Variants in VAV3 observed in about 807,000 individuals in gnomAD.
VAV3 encodes guanine nucleotide exchange factor VAV3.
A neutral mutation model predicts 131.2 loss-of-function variants in VAV3; 94 were observed. That is an observed-to-expected ratio of 0.72 (90% CI 0.61 to 0.85). The LOEUF (loss-of-function observed/expected upper bound fraction) is 0.85. VAV3 is among the 40% of genes least tolerant of loss of function. VAV3 has a pLI of 0.00. For synonymous variants in VAV3, 349 were observed against 342.0 expected, an observed-to-expected ratio of 1.02 and a Z score of -0.22; for missense variants, 939 against 1,002.7, an observed-to-expected ratio of 0.94 and a Z score of 0.86.
chr1:107,865,244 G>A (rs903313565), intron 2 of VAV3, among the ~76,000 whole-genome samples: 2 of 152,196 alleles, frequency 1.3e-5, no homozygotes, highest in Non-Finnish European at 2.9e-5. Flanking sequence ...TTTCTGTGGG[G>A]CAGAGAAGCA....
intron 19 of VAV3, 79 bp from the exon 20 acceptor site, chr1:107,642,834 A>G (rs986424650): frequency 6.3e-7 from 1 of 1,577,456 alleles, no homozygotes; most frequent in Admixed American, 1.8e-5. Flanking sequence ...AAAAAATGTC[A>G]TTATTAACAT....
At chr1:107,821,073 C>T (rs1461529680) in intron 2 of VAV3, among the ~76,000 whole-genome samples, 1 of 152,172 alleles carries the variant, frequency 6.6e-6, no homozygotes, top group African/African-American at 2.4e-5. Flanking sequence ...AAGCTCCTCA[C>T]TTTAGATTTA....
At chr1:107,919,847 A>G (rs1435824806) in intron 1 of VAV3, among the ~76,000 whole-genome samples, 3 of 152,148 alleles carry the variant, frequency 2.0e-5, no homozygotes, top group Non-Finnish European at 4.4e-5. Flanking sequence ...AAAGAAAAGA[A>G]TCAATGTCCC....
At chr1:107,772,684 C>G in intron 5 of VAV3, 51 bp downstream of exon 5, 1 of 1,472,226 alleles carries the variant, frequency 6.8e-7, no homozygotes, top group South Asian at 1.2e-5. Context: ...GTTAATTAGC[C>G]TTTCCTAATA....
At chr1:107,904,978 T>C (rs1255451428) in intron 1 of VAV3, among the ~76,000 whole-genome samples, 1 of 152,156 alleles carries the variant, frequency 6.6e-6, no homozygotes, top group African/African-American at 2.4e-5. Context: ...ATAGGAAATA[T>C]CTGAGGGATA....
chr1:107,603,180 C>T lies in VAV3; in HGVS notation c.2016-17G>A, dbSNP rs781780241. ...CCAGCATACCTGTAAAAAACAATGA[C>T]ACAGAAAATTTGGATAATATACCTG... On this transcript the variant is annotated splice_polypyrimidine_tract_variant and intron_variant, in intron 22 of 26. Coordinates refer to ENST00000370056, the MANE Select transcript of VAV3 (RefSeq NM_006113.5). 2.5e-6 allele frequency: 4 copies of T among 1,601,338 alleles called. No homozygotes were observed. The highest frequency in any genetic ancestry group is 3.4e-6 in the Non-Finnish European group (4 of 1,170,044).
At chr1:107,859,593 G>A (rs1275981672) in intron 2 of VAV3, among the ~76,000 whole-genome samples, 1 of 152,102 alleles carries the variant, frequency 6.6e-6, no homozygotes, top group Non-Finnish European at 1.5e-5. Flanking sequence ...CACACTGAAT[G>A]CAAGCCAAGG....
chr1:107,771,593 C>T (rs1665051647), intron 5 of VAV3, among the ~76,000 whole-genome samples: 1 of 152,222 alleles, frequency 6.6e-6, no homozygotes, highest in East Asian at 1.9e-4. Flanking sequence ...CACTAAATTT[C>T]TCTGACTCAG....
At chr1:107,811,567 T>C (rs1667319147) in intron 2 of VAV3, among the ~76,000 whole-genome samples, 1 of 152,158 alleles carries the variant, frequency 6.6e-6, no homozygotes, top group South Asian at 2.1e-4. Flanking sequence ...AGAACAATTC[T>C]AGGTTATTAA....
rs754089191 is a variant in VAV3 at position 107,777,309 on chromosome 1, G to GA, written c.381-14dup. The GA allele has an allele frequency of 8.7e-6, 14 of 1,612,192 alleles. No homozygotes were observed. The African/African-American group carries it at 1.6e-4, about 18-fold the overall frequency. ...TGTTGGGAAGGGCCTAGGAAGAGGA[G>GA]AAAAAACAAAAACAAAAAAACAAAC... is the stretch of plus-strand genomic sequence containing the variant. On this transcript the variant is annotated splice_polypyrimidine_tract_variant and intron_variant, in intron 3 of 26. Coordinates refer to ENST00000370056, the MANE Select transcript of VAV3 (RefSeq NM_006113.5).
At chr1:107,607,030 C>T (rs917918066) in intron 22 of VAV3, among the ~76,000 whole-genome samples, 1 of 151,028 alleles carries the variant, frequency 6.6e-6, no homozygotes, top group African/African-American at 2.4e-5. Context: ...TCTCGGCTGC[C>T]TGCAACCTCC....
At chr1:107,908,427 C>T (rs1038077159) in intron 1 of VAV3, among the ~76,000 whole-genome samples, 2 of 152,132 alleles carry the variant, frequency 1.3e-5, no homozygotes, top group African/African-American at 4.8e-5. Context: ...TATATCAATG[C>T]TCTTCCTGCT....
chr1:107,700,779 A>G (rs11185164), intron 17 of VAV3, among the ~76,000 whole-genome samples: 129,413 of 152,196 alleles, frequency 0.85, 55,259 homozygotes, highest in Middle Eastern at 0.96. Flanking sequence ...ATGTATCTTT[A>G]TAGTAGAATG....
intron 17 of VAV3, among the ~76,000 whole-genome samples, chr1:107,700,050 A>G (rs376802192): frequency 6.6e-6 from 1 of 152,226 alleles, no homozygotes; most frequent in Non-Finnish European, 1.5e-5. Context: ...CAATTAAATT[A>G]TAAGTGCAAG....
intron 25 of VAV3, among the ~76,000 whole-genome samples, chr1:107,579,185 C>T (rs1398686961): frequency 1.3e-5 from 2 of 152,190 alleles, no homozygotes; most frequent in Non-Finnish European, 2.9e-5. Context: ...TATAATTCCA[C>T]CCAAACAGTA....
chr1:107,745,742 G>T (rs1663302848), intron 15 of VAV3, among the ~76,000 whole-genome samples: 1 of 152,140 alleles, frequency 6.6e-6, no homozygotes, highest in Admixed American at 6.5e-5. Flanking sequence ...AAATAAAAAT[G>T]ATCCAATCAT....
chr1:107,753,462 G>A (rs1186255817), intron 12 of VAV3, among the ~76,000 whole-genome samples: 2 of 142,360 alleles, frequency 1.4e-5, no homozygotes, highest in African/African-American at 5.2e-5. Context: ...GCATTAATGT[G>A]TGTGTGTATG....
intron 1 of VAV3, among the ~76,000 whole-genome samples, chr1:107,915,676 G>A (rs1487210261): frequency 6.6e-6 from 1 of 152,168 alleles, no homozygotes; most frequent in East Asian, 1.9e-4. Flanking sequence ...GCACCCTGTG[G>A]ACAGGGGCTG....
chr1:107,841,115 T>C (rs1009585121), intron 2 of VAV3, among the ~76,000 whole-genome samples: 1 of 152,168 alleles, frequency 6.6e-6, no homozygotes, highest in African/African-American at 2.4e-5. Flanking sequence ...GGGAGTTCCA[T>C]TATATACACC....
Sources: allele counts gnomAD v4.1 joint callset (sites outside exome capture counted in the v4.1 genomes callset), GRCh38; gene constraint gnomAD v4.1.1; transcripts MANE v1.5; gene names NCBI Gene and HGNC (gene_info 2026-07-23, HGNC 2026-07-21).